Variants in POLR2F observed in about 807,000 individuals in gnomAD.
POLR2F encodes the protein DNA-directed RNA polymerases I, II, and III subunit RPABC2.
Under a neutral mutation model 22.7 loss-of-function variants are expected in POLR2F, and 12 were observed. The ratio of observed to expected loss-of-function variants is 0.53; its 90% CI spans 0.34 to 0.86. The LOEUF (loss-of-function observed/expected upper bound fraction) is 0.86. Among genes scored for constraint, POLR2F ranks in the 40% least tolerant of loss-of-function variants. The pLI is 0.02. For synonymous variants in POLR2F, 57 were observed against 66.0 expected (o/e 0.86, Z 0.66); for missense variants, 126 against 171.5 (o/e 0.73, Z 1.48).
At chr22:37,983,864 C>T (rs1450543962), upstream of POLR2F, 4 of 1,240,398 alleles carry the variant, frequency 3.2e-6, no homozygotes, top group Admixed American at 4.1e-5. This position sits in a 1 kb window ranked among gnomAD's most constrained non-coding sequence, Gnocchi z 9.5. Context: ...GAGTCCAACG[C>T]CCACCTGGAT....
At position 37,978,604 on chromosome 22, in the gene POLR2F, G is replaced by A. The variant is rs951838607; in HGVS notation, c.293+11434G>A. ...ACTCAGTCTCTGCTACTTACTAGCT[G>A]TGTGTGTGACCTTGAGCAAATTACT... is the stretch of plus-strand genomic sequence containing the variant. On this transcript the variant is annotated intron_variant, in intron 4 of 4. Transcript: ENST00000405557. This position sits in a 1 kb window ranked among gnomAD's most constrained non-coding sequence, Gnocchi z 5.0. 2.0e-5 allele frequency among the ~76,000 whole-genome samples: 3 copies of A among 152,190 alleles called. No individual in the cohort carries two copies. The highest frequency in any genetic ancestry group is 4.4e-5 in the Non-Finnish European group (3 of 68,026).
chr22:38,026,990 C>T (rs972198245), downstream of POLR2F, among the ~76,000 whole-genome samples: 17 of 152,056 alleles, frequency 1.1e-4, 1 homozygote, highest in Admixed American at 7.9e-4. Context: ...CGGGGAGGGG[C>T]GTGCATGGAG....
At chr22:37,966,248 A>G (rs1931847133) in intron 3 of POLR2F, among the ~76,000 whole-genome samples, 1 of 152,184 alleles carries the variant, frequency 6.6e-6, no homozygotes, top group Non-Finnish European at 1.5e-5. Context: ...TGGCGCATCT[A>G]GGGAACCAGA....
At chr22:38,010,392 A>G (rs1034201483) in intron 1 of POLR2F, among the ~76,000 whole-genome samples, 6 of 151,678 alleles carry the variant, frequency 4.0e-5, no homozygotes, top group African/African-American at 1.2e-4. Flanking sequence ...ATAAAGGAAA[A>G]GAAAGAGAGG....
At chr22:38,005,152 C>A (rs1365087832) in intron 1 of POLR2F, among the ~76,000 whole-genome samples, 1 of 152,204 alleles carries the variant, frequency 6.6e-6, no homozygotes, top group South Asian at 2.1e-4. Flanking sequence ...ATATGCATGT[C>A]TTTTAGGTAG....
intron 4 of POLR2F, chr22:37,977,943 G>A: frequency 1.9e-6 from 3 of 1,612,838 alleles, no homozygotes; most frequent in Non-Finnish European, 2.5e-6. Flanking sequence ...GGGCGCTCTT[G>A]TAGTGGGCCT....
intron 5 of POLR2F, among the ~76,000 whole-genome samples, chr22:38,037,317 A>C (rs1462067681): frequency 6.6e-6 from 1 of 152,176 alleles, no homozygotes; most frequent in Non-Finnish European, 1.5e-5. Context: ...TCTGTCTTCC[A>C]GGCCAGAGTG....
chr22:37,956,920 T>G (rs773685665), intron 2 of POLR2F, 78 bp downstream of exon 2: 10 of 1,100,214 alleles, frequency 9.1e-6, no homozygotes, highest in South Asian at 7.5e-5. Flanking sequence ...TAGCTGAATG[T>G]GTCTGCCTTC....
chr22:37,963,041 C>T (rs1931710694), intron 3 of POLR2F, among the ~76,000 whole-genome samples: 1 of 151,702 alleles, frequency 6.6e-6, no homozygotes, highest in Non-Finnish European at 1.5e-5. Flanking sequence ...GGCTGGAGTG[C>T]AGTGGTGTGA....
intron 1 of POLR2F, among the ~76,000 whole-genome samples, chr22:38,014,950 G>A (rs2084903837): frequency 6.6e-6 from 1 of 151,592 alleles, no homozygotes; most frequent in African/African-American, 2.4e-5. Context: ...TGGGATTACA[G>A]GTGTCCGCCA....
intron 4 of POLR2F, chr22:37,977,959 G>A (rs1394520920): frequency 1.2e-6 from 2 of 1,612,286 alleles, no homozygotes; most frequent in Non-Finnish European, 1.7e-6. Flanking sequence ...GGCCTGGATG[G>A]CGGCGGTCCC....
chr22:37,956,415 T>A lies in POLR2F; in HGVS notation c.21-358T>A, dbSNP rs1270456993. Among the ~76,000 whole-genome samples the A allele has an allele frequency of 4.6e-5, 7 of 151,126 alleles. No homozygotes were observed. The Middle Eastern group carries it at 0.017, about 367-fold the overall frequency. Reference sequence around the variant, plus strand: ...CCGGCCTCTGAATTTTTTTTTTTTTTAATTTTTCTTATTTATTTTGAGACA... The same window carrying A: ...CCGGCCTCTGAATTTTTTTTTTTTTAAATTTTTCTTATTTATTTTGAGACA... On this transcript the variant is annotated intron_variant, in intron 1 of 4. Transcript: ENST00000442738.
chr22:38,032,216 T>C (rs375935211), intron 5 of POLR2F: 4 of 152,386 alleles, frequency 2.6e-5, no homozygotes, highest in Admixed American at 2.6e-4. Context: ...CAGGCTGGTC[T>C]TGAACTCCTG....
At chr22:37,981,970 C>T (rs1932411249), upstream of POLR2F, among the ~76,000 whole-genome samples, 1 of 152,196 alleles carries the variant, frequency 6.6e-6, no homozygotes, top group Admixed American at 6.5e-5. Flanking sequence ...CTTTTGGTCT[C>T]TTGGAGATCC....
Position 38,014,909 on chromosome 22 carries a change from G to A in POLR2F, c.121-10960G>A, listed in dbSNP as rs375932788. On this transcript the variant is annotated intron_variant, in intron 1 of 2. Transcript: ENST00000333418. ...TGCAAGCTCTGCCTCCTGGGTTCACGCCATTCTCCCACCTCAGCTTCCCAA... is the reference window on the plus strand; with the variant it reads ...TGCAAGCTCTGCCTCCTGGGTTCACACCATTCTCCCACCTCAGCTTCCCAA... 3.2e-4 allele frequency among the ~76,000 whole-genome samples: 48 copies of A among 148,912 alleles called. 1 individual carries two copies. The Middle Eastern group carries it at 0.011, about 33-fold the overall frequency.
chr22:37,985,778 G>T (rs1932551599), upstream of POLR2F, among the ~76,000 whole-genome samples: 1 of 150,720 alleles, frequency 6.6e-6, no homozygotes, highest in East Asian at 2.0e-4. Context: ...GTAGTCACAC[G>T]AGGCAGAGGC....
chr22:37,998,360 C>T (rs958157316), intron 1 of POLR2F, among the ~76,000 whole-genome samples: 3 of 152,240 alleles, frequency 2.0e-5, no homozygotes, highest in Non-Finnish European at 4.4e-5. Flanking sequence ...CTTCCACCTG[C>T]CCCTTGAAGG....
intron 1 of POLR2F, among the ~76,000 whole-genome samples, chr22:38,018,166 C>G (rs937145736): frequency 3.9e-5 from 6 of 152,126 alleles, no homozygotes; most frequent in Admixed American, 3.3e-4. Flanking sequence ...AACCAGGGCT[C>G]ATCTGTGAAC....
intron 1 of POLR2F, among the ~76,000 whole-genome samples, chr22:37,990,547 A>C (rs148002815): frequency 6.6e-6 from 1 of 152,366 alleles, no homozygotes; most frequent in Non-Finnish European, 1.5e-5. Context: ...TGTGCAGGGC[A>C]CTGGGCCAGG....
Sources: gnomAD v4.1 joint callset for allele counts (sites outside exome capture counted in the v4.1 genomes callset) on GRCh38, gnomAD v4.1.1 for gene constraint, Gnocchi (gnomAD v3.1) non-coding constraint, MANE v1.5 for transcripts, NCBI Gene and HGNC (gene_info 2026-07-23, HGNC 2026-07-21) for gene names.